Variants in LUZP2 observed in about 807,000 individuals in gnomAD.
LUZP2 encodes leucine zipper protein 2.
In LUZP2, 52 loss-of-function variants were observed where a neutral mutation model predicts 51.6. The ratio of observed to expected loss-of-function variants is 1.01; its 90% CI spans 0.81 to 1.27. LUZP2 has a LOEUF of 1.27. LUZP2 is among the 50% of genes most tolerant of loss of function. The probability of loss-of-function intolerance (pLI) is 0.00; values close to 1 mark genes in which losing one functional copy is unlikely to be tolerated. For synonymous variants in LUZP2, 154 were observed against 137.3 expected (o/e 1.12, Z -0.85); for missense variants, 436 against 395.4 (o/e 1.10, Z -0.87).
At chr11:24,989,003 C>T (rs567421072) in intron 9 of LUZP2, among the ~76,000 whole-genome samples, 6 of 150,906 alleles carry the variant, frequency 4.0e-5, no homozygotes, top group Admixed American at 1.3e-4. Flanking sequence ...CATAGGAGGC[C>T]GGAAGAGCCA....
intron 7 of LUZP2, among the ~76,000 whole-genome samples, chr11:24,952,756 A>ACTT (rs1430957965): frequency 6.6e-6 from 1 of 151,910 alleles, no homozygotes; most frequent in African/African-American, 2.4e-5. Context: ...CTACTGTTTG[A>ACTT]CTTATATAAA....
intron 1 of LUZP2, among the ~76,000 whole-genome samples, chr11:24,689,418 T>C (rs893561390): frequency 5.8e-4 from 88 of 152,198 alleles, no homozygotes; most frequent in African/African-American, 2.0e-3. Flanking sequence ...TTATTTTGTC[T>C]CTTAGTGCGT....
rs1281845879 is a variant in LUZP2, at chr11:24,926,398, TATATATATAC to T, written c.522+11861_522+11870del. ...ACGTGTGTATATATATACGTGTGTA[TATATATATAC>T]GTGTGTATATATATGTGTGTATATA... On this transcript the variant is annotated intron_variant, in intron 7 of 11. Transcript: ENST00000336930. Among the ~76,000 whole-genome samples, 4 of 86,232 alleles carry T rather than the reference TATATATATAC, an allele frequency of 4.6e-5. 1 individual carries two copies. The highest frequency in any genetic ancestry group is 2.5e-4 in the East Asian group (1 of 4,036). The allele number at this position is 86,232 out of a possible 152,430, so 56.6% of individuals were successfully genotyped here.
rs1019055788 is a variant in LUZP2, at chr11:24,806,412, T to C, written c.396+43104T>C. ...TTTGTTTATTAGTGCATCACCAACA[T>C]TGTGCACATTTTTGTAAACTATACG... On this transcript the variant is annotated intron_variant, in intron 5 of 11. Coordinates refer to ENST00000336930, the MANE Select transcript of LUZP2 (RefSeq NM_001009909.4). 2.0e-5 allele frequency among the ~76,000 whole-genome samples: 3 copies of C among 152,166 alleles called. No individual in the cohort carries two copies. In the South Asian group the frequency reaches 6.2e-4, roughly 32 times the overall value.
chr11:24,960,505 T>A (rs1855360463), intron 7 of LUZP2, among the ~76,000 whole-genome samples: 1 of 152,082 alleles, frequency 6.6e-6, no homozygotes, highest in African/African-American at 2.4e-5. Context: ...ATTTATCCAT[T>A]TCTTCTAGAT....
chr11:24,768,509 A>G (rs1701139849), intron 5 of LUZP2, among the ~76,000 whole-genome samples: 1 of 152,242 alleles, frequency 6.6e-6, no homozygotes, highest in Admixed American at 6.5e-5. Context: ...TAAACAGTCT[A>G]TGCTCAAGGG....
chr11:24,836,520 A>G (rs1850863899), intron 5 of LUZP2, among the ~76,000 whole-genome samples: 1 of 151,880 alleles, frequency 6.6e-6, no homozygotes, highest in Non-Finnish European at 1.5e-5. Context: ...ATAACAATCA[A>G]TAAGGGGATA....
intron 1 of LUZP2, among the ~76,000 whole-genome samples, chr11:24,713,683 GTTTTTTTTTTT>G (rs374748977): frequency 1.1e-5 from 1 of 89,690 alleles, no homozygotes; most frequent in Admixed American, 1.6e-4. Flanking sequence ...GTGAGAATCT[GTTTTTTTTTTT>G]TTTTTTTTTT....
chr11:24,937,807 A>T (rs570453187), intron 7 of LUZP2, among the ~76,000 whole-genome samples: 3 of 152,012 alleles, frequency 2.0e-5, no homozygotes, highest in Admixed American at 2.0e-4. Flanking sequence ...AGGCTGAGGC[A>T]GGAAAATGGT....
intron 5 of LUZP2, 68 bp downstream of exon 5, chr11:24,763,376 G>T (rs10500990): frequency 0.13 from 90,018 of 687,888 alleles, 6,329 homozygotes; most frequent in African/African-American, 0.21. Flanking sequence ...CACATATAAA[G>T]TTGCCACTAG....
intron 1 of LUZP2, chr11:24,646,704 C>A: frequency 3.6e-6 from 2 of 563,158 alleles, no homozygotes; most frequent in Non-Finnish European, 2.3e-6. Flanking sequence ...GTCTCATTGG[C>A]CATAACTGTG....
At chr11:25,013,812 A>T (rs1180068060) in intron 9 of LUZP2, among the ~76,000 whole-genome samples, 2 of 152,038 alleles carry the variant, frequency 1.3e-5, no homozygotes, top group African/African-American at 2.4e-5. Flanking sequence ...GGTTTGTTAC[A>T]TATGTATACA....
intron 9 of LUZP2, among the ~76,000 whole-genome samples, chr11:24,991,285 C>T (rs565344674): frequency 1.2e-4 from 18 of 151,260 alleles, no homozygotes; most frequent in African/African-American, 3.1e-4. Context: ...CAGGTTGCTG[C>T]GAATGCCATT....
intron 1 of LUZP2, among the ~76,000 whole-genome samples, chr11:24,633,371 G>T (rs2133930855): frequency 6.6e-6 from 1 of 152,050 alleles, no homozygotes; most frequent in African/African-American, 2.4e-5. Context: ...CTTAGCAAAA[G>T]ATACACACAA....
intron 9 of LUZP2, among the ~76,000 whole-genome samples, chr11:25,030,681 C>A (rs1163588630): frequency 6.6e-6 from 1 of 150,788 alleles, no homozygotes; most frequent in South Asian, 2.1e-4. Context: ...AGAGATAAAA[C>A]CATCATTTCC....
At position 24,892,403 on chromosome 11, in the gene LUZP2, G is replaced by A. The variant is rs560253465; in HGVS notation, c.397-13588G>A. On this transcript the variant is annotated intron_variant, in intron 5 of 11. Coordinates refer to ENST00000336930, the MANE Select transcript of LUZP2 (RefSeq NM_001009909.4). Reference sequence around the variant, plus strand: ...ACAACTCTCAATTATACCCAGTGATGTCTCGATTAGCACTTATTATAAAAA... The same window carrying A: ...ACAACTCTCAATTATACCCAGTGATATCTCGATTAGCACTTATTATAAAAA... 5.1e-6 allele frequency: 5 copies of A among 983,368 alleles called. No individual in the cohort carries two copies. The East Asian group carries it at 4.5e-4, about 89-fold the overall frequency. 60.9% of individuals were successfully genotyped at this position (983,368 alleles called of 1,614,324 possible).
At chr11:24,512,983 C>G (rs1365520669) in intron 1 of LUZP2, among the ~76,000 whole-genome samples, 1 of 152,186 alleles carries the variant, frequency 6.6e-6, no homozygotes, top group South Asian at 2.1e-4. Context: ...GTCTTGAACT[C>G]CTGACCTCAG....
chr11:24,655,033 A>C (rs1241237075), intron 1 of LUZP2, among the ~76,000 whole-genome samples: 1 of 152,200 alleles, frequency 6.6e-6, no homozygotes, highest in African/African-American at 2.4e-5. Context: ...ATCTTATTGC[A>C]TTGAAAGCAT....
chr11:24,617,202 T>C (rs141922253), intron 1 of LUZP2, among the ~76,000 whole-genome samples: 1,496 of 147,188 alleles, frequency 0.01, 13 homozygotes, highest in Non-Finnish European at 0.012. Flanking sequence ...TCTATCAATC[T>C]TCATGTTCAC....
Sources: gnomAD v4.1 joint callset for allele counts (sites outside exome capture counted in the v4.1 genomes callset) on GRCh38, gnomAD v4.1.1 for gene constraint, MANE v1.5 for transcripts, NCBI Gene and HGNC (gene_info 2026-07-23, HGNC 2026-07-21) for gene names.